The following C20orf96 variants were observed in gnomAD, a reference collection of about 807,000 sequenced individuals.
The protein encoded by C20orf96 is uncharacterized protein C20orf96.
Under a neutral mutation model 52.6 loss-of-function variants are expected in C20orf96, and 57 were observed. That is an observed-to-expected ratio of 1.08 (90% CI 0.88 to 1.35). C20orf96 has a LOEUF of 1.35. Among genes scored for constraint, C20orf96 ranks in the 40% most tolerant of loss-of-function variants. The probability of loss-of-function intolerance (pLI) is 0.00; values close to 1 mark genes in which losing one functional copy is unlikely to be tolerated. For missense variants in C20orf96, 478 were observed against 443.6 expected, an observed-to-expected ratio of 1.08 and a Z score of -0.70; for synonymous variants, 168 against 157.2, an observed-to-expected ratio of 1.07 and a Z score of -0.51.
chr20:277,112 T>C lies in C20orf96; in HGVS notation c.757A>G (p.Lys253Glu). 1.2e-6 allele frequency: 2 copies of C among 1,613,970 alleles called. No individual in the cohort carries two copies. Among genetic ancestry groups the C allele is most frequent in the South Asian group, 1.1e-5 (1 of 91,060 alleles). ...TTGTCAGACAAGGATTCCAGGACCTTTCTGCGCATCTCACCGAGGTCATCC... is the reference window on the plus strand; with the variant it reads ...TTGTCAGACAAGGATTCCAGGACCTCTCTGCGCATCTCACCGAGGTCATCC... ...ELDDLGEMRRKVLESLSDKIQ... is the reference protein window; with the variant it reads ...ELDDLGEMRREVLESLSDKIQ... The change falls in exon 8 of 11, where the codon AAG (lysine) becomes GAG (glutamate). Residue 253 changes from lysine (K) to glutamate (E), a missense_variant. Coordinates refer to ENST00000360321, the MANE Select transcript of C20orf96 (RefSeq NM_153269.3).
chr20:289,902 T>G (rs866977719), intron 2 of C20orf96, among the ~76,000 whole-genome samples: 1 of 152,204 alleles, frequency 6.6e-6, no homozygotes, highest in African/African-American at 2.4e-5. Context: ...TAGCTATCAC[T>G]TTTTTAAATC....
chr20:280,782 A>G (rs1337646232), intron 4 of C20orf96, among the ~76,000 whole-genome samples: 7 of 152,210 alleles, frequency 4.6e-5, no homozygotes, highest in Admixed American at 4.6e-4. Context: ...TGGGCAAGTT[A>G]GTTAATGTCT....
At chr20:288,901 T>C (rs2012465743) in intron 3 of C20orf96, among the ~76,000 whole-genome samples, 1 of 152,184 alleles carries the variant, frequency 6.6e-6, no homozygotes, top group African/African-American at 2.4e-5. Context: ...ATTTCACAAA[T>C]GAGAAAACCA....
Position 271,016 on chromosome 20 carries a change from A to G in C20orf96, c.*191T>C. 1 of 524,840 alleles carries G rather than the reference A, an allele frequency of 1.9e-6. No individual in the cohort carries two copies. The highest frequency in any genetic ancestry group is 2.3e-5 in the South Asian group (1 of 44,306). 32.5% of individuals were successfully genotyped at this position (524,840 alleles called of 1,614,324 possible). A position where few individuals can be genotyped will look rare whatever the true frequency, so the allele number is the denominator to read the frequency against. ...GAGGGAGGGAGGGAGAGGAGGAAGGAAGGAGGAGGGAAGGGAAGGGGGGAA... is the reference window on the plus strand; with the variant it reads ...GAGGGAGGGAGGGAGAGGAGGAAGGGAGGAGGAGGGAAGGGAAGGGGGGAA... On this transcript the variant is annotated 3_prime_UTR_variant, in exon 11 of 11. Coordinates refer to ENST00000360321, the MANE Select transcript of C20orf96 (RefSeq NM_153269.3).
At position 278,313 on chromosome 20, in the gene C20orf96, T is replaced by C; in HGVS notation, c.565+17A>G. On this transcript the variant is annotated intron_variant, in intron 6 of 10. Transcript: ENST00000360321. ...GTGCCAGGGGGGAGGGTCAAGGAAT[T>C]TGCCAGGGATTCTTACAGCTCATCT... 1 of 1,603,090 alleles carries C rather than the reference T, an allele frequency of 6.2e-7. No homozygotes were observed. Among genetic ancestry groups the C allele is most frequent in the South Asian group, 1.1e-5 (1 of 90,834 alleles).
At chr20:285,600 T>G (rs926614) in intron 3 of C20orf96, among the ~76,000 whole-genome samples, 62,307 of 152,014 alleles carry the variant, frequency 0.41, 13,008 homozygotes, top group East Asian at 0.51. Flanking sequence ...AAAGGTTTAA[T>G]ACACTCTTAT....
intron 2 of C20orf96, 25 bp downstream of exon 2, chr20:290,234 C>G (rs916840424): frequency 3.1e-6 from 5 of 1,594,536 alleles, no homozygotes; most frequent in Admixed American, 1.7e-5. Flanking sequence ...GCCTCCCACC[C>G]CAGCCCTAGT....
chr20:290,564 T>G, intron 1 of C20orf96, 27 bp downstream of exon 1: 1 of 530,650 alleles, frequency 1.9e-6, no homozygotes, highest in Non-Finnish European at 2.6e-6. Context: ...TTTCTTCCAA[T>G]TTTTTTTTTT....
At chr20:276,158 T>TG in intron 9 of C20orf96, 72 bp from the exon 10 acceptor site, 1 of 1,605,954 alleles carries the variant, frequency 6.2e-7, no homozygotes, top group Non-Finnish European at 8.5e-7. Context: ...AAGGCCAAAA[T>TG]GAACGAGGAG....
In C20orf96 at chr20:289,602, G is replaced by A; in HGVS notation, c.144C>T (p.Ser48=). ...STLPPVQQAN[S]LHTSKMKTLT... ...AAGTCTTCATTTTGCTTGTATGAAG[G>A]CTGTTGGCTTGTTGGACTGGAGGCA... Residue 48 remains serine, a synonymous_variant, in exon 3 of 11, where the codon AGC becomes AGT. Transcript: ENST00000360321. The A allele has an allele frequency of 6.2e-7, 1 of 1,614,030 alleles. No homozygotes were observed. The highest frequency in any genetic ancestry group is 2.2e-5 in the East Asian group (1 of 44,874).
chr20:290,450 A>G, intron 1 of C20orf96, 141 bp downstream of exon 1: 1 of 1,536,164 alleles, frequency 6.5e-7, no homozygotes, highest in Non-Finnish European at 8.8e-7. Flanking sequence ...GGGCGGGGCC[A>G]AGGAGATGTG....
chr20:274,396 C>A (rs1212728931), intron 10 of C20orf96, among the ~76,000 whole-genome samples: 2 of 152,112 alleles, frequency 1.3e-5, no homozygotes, highest in African/African-American at 4.8e-5. Flanking sequence ...GCAAGAAACC[C>A]GAAAGGACTC....
intron 3 of C20orf96, among the ~76,000 whole-genome samples, chr20:287,290 T>A (rs2012411896): frequency 6.6e-6 from 1 of 152,232 alleles, no homozygotes; most frequent in Non-Finnish European, 1.5e-5. Flanking sequence ...CACCAGCAAT[T>A]GCGCACAATC....
At chr20:278,206 T>C in intron 6 of C20orf96, 124 bp downstream of exon 6, 4 of 762,080 alleles carry the variant, frequency 5.2e-6, no homozygotes, top group South Asian at 1.5e-5. Context: ...AGCATTCCCA[T>C]CTGCCAAGAA....
rs750561764 is a variant in C20orf96 at position 278,417 on chromosome 20, T to A, written c.478A>T (p.Ile160Phe). ...QQDTLATIIDILEYSNKKRLQ... is the reference protein window; with the variant it reads ...QQDTLATIIDFLEYSNKKRLQ... ...CTCTTCTTGTTTGAGTACTCCAAGA[T>A]GTCGATGATGGTCTGCGGGAGGGGT... Residue 160 changes from isoleucine to phenylalanine, a missense_variant, in exon 6 of 11, where the codon ATC becomes TTC. Coordinates refer to ENST00000360321, the MANE Select transcript of C20orf96 (RefSeq NM_153269.3). 1 of 1,613,716 alleles carries A rather than the reference T, an allele frequency of 6.2e-7. No homozygotes were observed. The highest frequency in any genetic ancestry group is 8.5e-7 in the Non-Finnish European group (1 of 1,179,760).
At chr20:284,209 T>C (rs544119664) in intron 3 of C20orf96, 128 bp from the exon 4 acceptor site, 2 of 686,096 alleles carry the variant, frequency 2.9e-6, no homozygotes, top group African/African-American at 1.8e-5. Context: ...TGCCTTATAA[T>C]GTGACACTAG....
At chr20:282,641 C>T (rs977543127) in intron 4 of C20orf96, among the ~76,000 whole-genome samples, 7 of 152,150 alleles carry the variant, frequency 4.6e-5, no homozygotes, top group South Asian at 2.1e-4. Flanking sequence ...GAGGCCAAGG[C>T]GGGCAGATCA....
At chr20:288,413 G>T (rs2012452602) in intron 3 of C20orf96, among the ~76,000 whole-genome samples, 1 of 152,044 alleles carries the variant, frequency 6.6e-6, no homozygotes, top group Non-Finnish European at 1.5e-5. Flanking sequence ...TGCTGGCAGG[G>T]ATGAGTGGGG....
chr20:274,494 A>G (rs1157767593), intron 10 of C20orf96, among the ~76,000 whole-genome samples: 1 of 152,156 alleles, frequency 6.6e-6, no homozygotes, highest in African/African-American at 2.4e-5. Context: ...TGGGTTCACT[A>G]TTCAGAGGCC....
Sources: gnomAD v4.1 joint callset for allele counts (sites outside exome capture counted in the v4.1 genomes callset) on GRCh38, gnomAD v4.1.1 for gene constraint, MANE v1.5 for transcripts, NCBI Gene and HGNC (gene_info 2026-07-23, HGNC 2026-07-21) for gene names.